The following PODXL variants were observed in gnomAD, a reference collection of about 807,000 sequenced individuals.
The protein encoded by PODXL is podocalyxin like.
Under a neutral mutation model 48.9 loss-of-function variants are expected in PODXL, and 20 were observed. The ratio of observed to expected loss-of-function variants is 0.41; its 90% CI spans 0.29 to 0.59. The LOEUF (loss-of-function observed/expected upper bound fraction) is 0.59, where lower values mean the gene tolerates loss of function less well. Ranked by LOEUF, PODXL falls within the 20% of genes least tolerant of loss-of-function variation. The pLI is 0.31. For synonymous variants in PODXL, 295 were observed against 287.4 expected (o/e 1.03, Z -0.27); for missense variants, 606 against 675.1 (o/e 0.90, Z 1.13).
At chr7:131,547,604 G>T (rs183263462) in intron 1 of PODXL, among the ~76,000 whole-genome samples, 2 of 152,284 alleles carry the variant, frequency 1.3e-5, no homozygotes, top group African/African-American at 4.8e-5. Flanking sequence ...CATCAGCAGA[G>T]ATTTCCATTT....
chr7:131,522,676 C>A lies in PODXL; in HGVS notation c.101-11243G>T, dbSNP rs148562793. 2.6e-3 allele frequency among the ~76,000 whole-genome samples: 362 copies of A among 139,942 alleles called. 2 individuals carry two copies. The highest frequency in any genetic ancestry group is 8.6e-3 in the African/African-American group (335 of 39,164). The allele number at this position is 139,942 out of a possible 152,430, so 91.8% of individuals were successfully genotyped here. On this transcript the variant is annotated intron_variant, in intron 1 of 8. Transcript: ENST00000378555. ...CACTAAAGACACAGCAAAAGAAAAG[C>A]CACACAGTAGGCAGCCACTAATCTA...
chr7:131,523,029 C>T (rs1327816156), intron 1 of PODXL, among the ~76,000 whole-genome samples: 2 of 152,108 alleles, frequency 1.3e-5, no homozygotes, highest in Non-Finnish European at 2.9e-5. Context: ...TTTCAATTTC[C>T]CTTGGGTACA....
chr7:131,550,791 ACACACACACG>A (rs991048154), intron 1 of PODXL, among the ~76,000 whole-genome samples: 372 of 152,208 alleles, frequency 2.4e-3, no homozygotes, highest in African/African-American at 8.4e-3. Flanking sequence ...GCACGCACAC[ACACACACACG>A]CACACACACG....
intron 1 of PODXL, among the ~76,000 whole-genome samples, chr7:131,518,124 T>C (rs570877975): frequency 6.6e-6 from 1 of 152,238 alleles, no homozygotes; most frequent in East Asian, 1.9e-4. Flanking sequence ...CTTGATTACA[T>C]CTGCAAAGAC....
intron 1 of PODXL, among the ~76,000 whole-genome samples, chr7:131,539,282 C>T (rs892099901): frequency 3.3e-5 from 5 of 152,196 alleles, no homozygotes; most frequent in Admixed American, 2.0e-4. Context: ...CCTCATCTGT[C>T]GAGGGAGACA....
chr7:131,506,146 T>C, intron 7 of PODXL, 111 bp from the exon 8 acceptor site: 1 of 1,541,848 alleles, frequency 6.5e-7, no homozygotes, highest in South Asian at 1.1e-5. Context: ...GCCGCCGCCC[T>C]CTTCTACATG....
intron 1 of PODXL, among the ~76,000 whole-genome samples, chr7:131,522,665 CAAAAG>C (rs1397226145): frequency 6.6e-6 from 1 of 152,198 alleles, no homozygotes; most frequent in Non-Finnish European, 1.5e-5. Flanking sequence ...AAAGACACAG[CAAAAG>C]AAAAGCCACA....
chr7:131,507,713 G>A (rs1010319040), intron 5 of PODXL, among the ~76,000 whole-genome samples: 4 of 150,956 alleles, frequency 2.6e-5, no homozygotes, highest in African/African-American at 9.7e-5. Context: ...AGCCTACCAA[G>A]CTACATCCAA....
At chr7:131,554,166 C>T (rs1353317614) in intron 1 of PODXL, among the ~76,000 whole-genome samples, 2 of 152,128 alleles carry the variant, frequency 1.3e-5, no homozygotes, top group Non-Finnish European at 2.9e-5. Flanking sequence ...GGCGACCACA[C>T]CTTCAGAAGG....
intron 1 of PODXL, among the ~76,000 whole-genome samples, chr7:131,548,485 T>C (rs151300555): frequency 2.6e-3 from 399 of 152,288 alleles, no homozygotes; most frequent in African/African-American, 9.0e-3. Flanking sequence ...CACATGTGGT[T>C]TCTGGGAGGC....
At chr7:131,535,391 C>T (rs980050270) in intron 1 of PODXL, among the ~76,000 whole-genome samples, 2 of 152,214 alleles carry the variant, frequency 1.3e-5, no homozygotes, top group African/African-American at 4.8e-5. Context: ...AAGCGTTCAA[C>T]ACCACAGCAA....
In PODXL at chr7:131,510,334, T is replaced by C. The variant is rs1797888121; in HGVS notation, c.707-3A>G. 1.2e-5 allele frequency: 1 copy of C among 83,320 alleles called. No homozygotes were observed. The highest frequency in any genetic ancestry group is 8.8e-5 in the South Asian group (1 of 11,382). The allele number at this position is 83,320 out of a possible 1,614,324, so 5.2% of individuals were successfully genotyped here. A position where few individuals can be genotyped will look rare whatever the true frequency, so the allele number is the denominator to read the frequency against. Reference sequence around the variant, plus strand: ...GACATGGTGAAACACTGTCTCTACTTGAAAAAAAAAAAAAAAAAAAAAAAA... The same window carrying C: ...GACATGGTGAAACACTGTCTCTACTCGAAAAAAAAAAAAAAAAAAAAAAAA... On this transcript the variant is annotated splice_polypyrimidine_tract_variant and splice_region_variant and intron_variant, in intron 2 of 8. Transcript: ENST00000378555.
chr7:131,504,606 T>C lies in PODXL; in HGVS notation c.1480-98A>G. 5 of 1,004,870 alleles carry C rather than the reference T, an allele frequency of 5.0e-6. No individual in the cohort carries two copies. The South Asian group carries it at 7.2e-5, about 14-fold the overall frequency. 62.2% of individuals were successfully genotyped at this position (1,004,870 alleles called of 1,614,324 possible). On this transcript the variant is annotated intron_variant, in intron 8 of 8. Coordinates refer to ENST00000378555, the MANE Select transcript of PODXL (RefSeq NM_001018111.3). ...CCCCTCCCACTCAGGAGCCCCACTGTAGCTAAAGCAGGCCCTCATTGCTCG... is the reference window on the plus strand; with the variant it reads ...CCCCTCCCACTCAGGAGCCCCACTGCAGCTAAAGCAGGCCCTCATTGCTCG...
In PODXL at chr7:131,506,302, A is replaced by G; in HGVS notation, c.1269T>C (p.Asp423=). 1 of 1,614,088 alleles carries G rather than the reference A, an allele frequency of 6.2e-7. No individual in the cohort carries two copies. The highest frequency in any genetic ancestry group is 8.5e-7 in the Non-Finnish European group (1 of 1,179,992). Residue 423 remains aspartate (D), a synonymous_variant, in exon 7 of 9, where the codon GAT becomes GAC. Coordinates refer to ENST00000378555, the MANE Select transcript of PODXL (RefSeq NM_001018111.3). ...ATTTGTCCTTCAGCCGCTCGTACACATCCTTGGCAGGGAGCTTAGCTGTGG... is the reference window on the plus strand; with the variant it reads ...ATTTGTCCTTCAGCCGCTCGTACACGTCCTTGGCAGGGAGCTTAGCTGTGG... ...ITIHTKLPAK[D]VYERLKDKWD...
At chr7:131,537,037 A>T (rs1584826672) in intron 1 of PODXL, among the ~76,000 whole-genome samples, 2 of 152,178 alleles carry the variant, frequency 1.3e-5, no homozygotes, top group Admixed American at 1.3e-4. Context: ...AGGCAGGAGG[A>T]TCACCTGAGC....
At chr7:131,551,623 C>T (rs1213660532) in intron 1 of PODXL, among the ~76,000 whole-genome samples, 1 of 152,172 alleles carries the variant, frequency 6.6e-6, no homozygotes, top group African/African-American at 2.4e-5. Flanking sequence ...AGACACGATT[C>T]CTCCCACTTC....
intron 2 of PODXL, 63 bp downstream of exon 2, chr7:131,510,765 A>C (rs1410869351): frequency 6.3e-7 from 1 of 1,599,248 alleles, no homozygotes; most frequent in Non-Finnish European, 8.6e-7. Context: ...GAGCCTTTTC[A>C]GAGCCATCAC....
In PODXL at chr7:131,503,609, C is replaced by G. The variant is rs749160454; in HGVS notation, c.*702G>C. On this transcript the variant is annotated 3_prime_UTR_variant, in exon 9 of 9. Transcript: ENST00000378555. ...CTCACGAAGCAAATGTGAGAAAATC[C>G]GAATCCAGAACAAGGGGTTCAAGGT... 6.6e-6 allele frequency: 1 copy of G among 152,462 alleles called. No individual in the cohort carries two copies. The highest frequency in any genetic ancestry group is 1.9e-4 in the East Asian group (1 of 5,178). The allele number at this position is 152,462 out of a possible 1,614,324, so 9.4% of individuals were successfully genotyped here.
chr7:131,526,813 A>G (rs1798195098), intron 1 of PODXL, among the ~76,000 whole-genome samples: 1 of 130,704 alleles, frequency 7.7e-6, no homozygotes, highest in Non-Finnish European at 1.5e-5. Flanking sequence ...TCGGCTCACT[A>G]TAGCCTCCGC....
Sources: gnomAD v4.1 joint callset for allele counts (sites outside exome capture counted in the v4.1 genomes callset) on GRCh38, gnomAD v4.1.1 for gene constraint, MANE v1.5 for transcripts, NCBI Gene and HGNC (gene_info 2026-07-23, HGNC 2026-07-21) for gene names.